SLC24A3: variants seen among roughly 807,000 people sequenced by gnomAD.
SLC24A3 encodes the protein solute carrier family 24 member 3.
SLC24A3 carries 28 observed loss-of-function variants against 75.8 expected under a neutral mutation model. The observed-to-expected ratio is 0.37, with a 90% confidence interval of 0.27 to 0.51. SLC24A3 has a LOEUF of 0.51. Ranked by LOEUF, SLC24A3 falls within the 20% of genes least tolerant of loss-of-function variation. The pLI, the probability that SLC24A3 is intolerant of heterozygous loss-of-function variation, is 0.94. For synonymous variants in SLC24A3, 372 were observed against 334.1 expected, an observed-to-expected ratio of 1.11 and a Z score of -1.24; for missense variants, 663 against 847.8, an observed-to-expected ratio of 0.78 and a Z score of 2.71.
chr20:19,358,060 A>G (rs755145954), intron 2 of SLC24A3, among the ~76,000 whole-genome samples: 2 of 152,160 alleles, frequency 1.3e-5, no homozygotes, highest in Non-Finnish European at 2.9e-5. Context: ...GCTCAGCTAT[A>G]TGTTGTCAGG....
intron 1 of SLC24A3, among the ~76,000 whole-genome samples, chr20:19,223,244 A>C (rs570004488): frequency 1.3e-5 from 2 of 152,216 alleles, no homozygotes; most frequent in South Asian, 4.2e-4. Flanking sequence ...GTGAGCTGAG[A>C]TTGCACCATT....
intron 2 of SLC24A3, among the ~76,000 whole-genome samples, chr20:19,458,310 T>G (rs533586470): frequency 2.0e-4 from 30 of 152,290 alleles, no homozygotes; most frequent in Admixed American, 2.0e-4. Context: ...TATATAAAAA[T>G]TATTTTTTAG....
chr20:19,298,557 A>G (rs974544161), intron 2 of SLC24A3, among the ~76,000 whole-genome samples: 4 of 152,186 alleles, frequency 2.6e-5, no homozygotes, highest in Non-Finnish European at 5.9e-5. Context: ...CCAGGAAACA[A>G]CAGTAGAGGA....
In SLC24A3 at chr20:19,318,993, G is replaced by A. The variant is rs191253303; in HGVS notation, c.271+37906G>A. Among the ~76,000 whole-genome samples the A allele has an allele frequency of 6.6e-5, 10 of 152,096 alleles. No individual in the cohort carries two copies. In the East Asian group the frequency reaches 1.7e-3, roughly 27 times the overall value. On this transcript the variant is annotated intron_variant, in intron 2 of 16. Coordinates refer to ENST00000328041, the MANE Select transcript of SLC24A3 (RefSeq NM_020689.4). ...TTTTCCAGACCTCAGAAGAAAGTTCGAGAAGGATCCTGGTCTTGGTGATGT... is the reference window on the plus strand; with the variant it reads ...TTTTCCAGACCTCAGAAGAAAGTTCAAGAAGGATCCTGGTCTTGGTGATGT...
intron 2 of SLC24A3, among the ~76,000 whole-genome samples, chr20:19,440,410 G>C (rs1987277775): frequency 1.3e-5 from 2 of 152,208 alleles, no homozygotes; most frequent in South Asian, 4.1e-4. Context: ...GTCTCTGACT[G>C]TAGTAAGTGC....
chr20:19,273,183 C>A (rs1301373406), intron 1 of SLC24A3, among the ~76,000 whole-genome samples: 1 of 152,236 alleles, frequency 6.6e-6, no homozygotes, highest in African/African-American at 2.4e-5. Flanking sequence ...AGTCTCCCCT[C>A]CTCATACCTA....
chr20:19,638,598 A>G (rs2032028853), intron 6 of SLC24A3, among the ~76,000 whole-genome samples: 1 of 152,154 alleles, frequency 6.6e-6, no homozygotes, highest in African/African-American at 2.4e-5. Flanking sequence ...AGTGTTCTAA[A>G]CCTGTTACAT....
rs140378245 is a variant in SLC24A3, at chr20:19,653,840, G to T, written c.613-222G>T. Among the ~76,000 whole-genome samples the T allele has an allele frequency of 5.2e-3, 792 of 152,298 alleles. 6 individuals are homozygous for T. Among genetic ancestry groups the T allele is most frequent in the African/African-American group, 0.018 (758 of 41,570 alleles). ...GATGCCCCATTTTCTATCACCAGTTGTTTCCCGCTAACAAAATTGTTGCAG... is the reference window on the plus strand; with the variant it reads ...GATGCCCCATTTTCTATCACCAGTTTTTTCCCGCTAACAAAATTGTTGCAG... On this transcript the variant is annotated intron_variant, in intron 6 of 16. Transcript: ENST00000328041.
At chr20:19,378,421 G>A (rs1986124413) in intron 2 of SLC24A3, among the ~76,000 whole-genome samples, 1 of 152,188 alleles carries the variant, frequency 6.6e-6, no homozygotes, top group South Asian at 2.1e-4. Context: ...AGTCCTGCAT[G>A]GAAAATAAAA....
intron 7 of SLC24A3, among the ~76,000 whole-genome samples, chr20:19,654,953 T>C (rs1476968475): frequency 6.6e-6 from 1 of 152,146 alleles, no homozygotes; most frequent in Non-Finnish European, 1.5e-5. Flanking sequence ...AGTCCCTAAA[T>C]AGACTTTTGA....
intron 2 of SLC24A3, among the ~76,000 whole-genome samples, chr20:19,296,268 CT>C (rs35229035): frequency 0.011 from 762 of 72,268 alleles, 1 homozygote; most frequent in East Asian, 0.014. Context: ...AGCTAGTGGT[CT>C]TTTTTTTTTT....
chr20:19,323,270 A>G (rs992256886), intron 2 of SLC24A3, among the ~76,000 whole-genome samples: 1 of 151,896 alleles, frequency 6.6e-6, no homozygotes, highest in African/African-American at 2.4e-5. Flanking sequence ...CTATTAGAGC[A>G]TTGAGAATAG....
At chr20:19,232,439 G>T (rs185385791) in intron 1 of SLC24A3, among the ~76,000 whole-genome samples, 200 of 152,288 alleles carry the variant, frequency 1.3e-3, no homozygotes, top group African/African-American at 4.7e-3. Context: ...TGAAATAAAG[G>T]TCACTGAATT....
In SLC24A3 at chr20:19,721,023, G is replaced by A. The variant is rs963770008; in HGVS notation, c.1818G>A (p.Leu606=). 1.9e-6 allele frequency: 3 copies of A among 1,614,010 alleles called. No homozygotes were observed. The highest frequency in any genetic ancestry group is 1.1e-5 in the South Asian group (1 of 91,072). Residue 606 remains leucine (L), a synonymous_variant, in exon 17 of 17, where the codon CTG becomes CTA. Transcript: ENST00000328041. The part of the protein sequence containing the change: ...VFGVHLNKWQ[L]DKKLGCGCLL... ...GCGTCCACCTGAACAAGTGGCAGCT[G>A]GACAAGAAGCTGGGCTGTGGGTGCC...
In SLC24A3 at chr20:19,387,207, T is replaced by C. The variant is rs560183846; in HGVS notation, c.271+106120T>C. Among the ~76,000 whole-genome samples the C allele has an allele frequency of 1.1e-4, 16 of 152,220 alleles. No homozygotes were observed. In the South Asian group the frequency reaches 1.9e-3, roughly 18 times the overall value. On this transcript the variant is annotated intron_variant, in intron 2 of 16. Transcript: ENST00000328041. The stretch of plus-strand genomic sequence containing the variant: ...ATTGTAATGTTTCCTCTTTTATTTA[T>C]AATTTTGTTTATTTGAATCTTCTTT...
chr20:19,522,520 C>T (rs535007160), intron 3 of SLC24A3, among the ~76,000 whole-genome samples: 1 of 152,352 alleles, frequency 6.6e-6, no homozygotes, highest in South Asian at 2.1e-4. Flanking sequence ...ATATCCACAT[C>T]AATAAAGTGG....
At chr20:19,511,738 C>G (rs975936851) in intron 2 of SLC24A3, among the ~76,000 whole-genome samples, 2 of 152,154 alleles carry the variant, frequency 1.3e-5, no homozygotes, top group Admixed American at 1.3e-4. Flanking sequence ...GCAAGCTGTG[C>G]ATGAGTCCTT....
At chr20:19,355,011 A>G (rs1985652271) in intron 2 of SLC24A3, 1 of 152,230 alleles carries the variant, frequency 6.6e-6, no homozygotes, top group African/African-American at 2.4e-5. Flanking sequence ...GCCTCTTAGC[A>G]TCAGAGAAGG....
chr20:19,324,736 C>T (rs547044842), intron 2 of SLC24A3, among the ~76,000 whole-genome samples: 1 of 152,340 alleles, frequency 6.6e-6, no homozygotes, highest in East Asian at 1.9e-4. Context: ...AGTCAATTAT[C>T]TTATTTTTCC....
Sources: gnomAD v4.1 joint callset for allele counts (sites outside exome capture counted in the v4.1 genomes callset) on GRCh38, gnomAD v4.1.1 for gene constraint, MANE v1.5 for transcripts, NCBI Gene and HGNC (gene_info 2026-07-23, HGNC 2026-07-21) for gene names.